The following ZNF568 variants were observed in gnomAD, a reference collection of about 807,000 sequenced individuals.
ZNF568 encodes the protein p53 inhibitor of SCO2 activation.
In ZNF568, 11 loss-of-function variants were observed where a neutral mutation model predicts 18.1. The ratio of observed to expected loss-of-function variants is 0.61; its 90% confidence interval spans 0.38 to 1.00. The LOEUF is 1.00. Among genes scored for constraint, ZNF568 ranks in the 50% least tolerant of loss-of-function variants. ZNF568 has a pLI of 0.01. For synonymous variants in ZNF568, 213 were observed against 246.6 expected (o/e 0.86, Z 1.28); for missense variants, 639 against 768.2 (o/e 0.83, Z 1.99).
downstream of ZNF568, among the ~76,000 whole-genome samples, chr19:36,954,192 T>A (rs573727719): frequency 1.2e-4 from 18 of 152,228 alleles, no homozygotes; most frequent in Middle Eastern, 3.4e-3. Flanking sequence ...GCCAGTGCAC[T>A]TCAGCCTGGG....
chr19:36,991,956 T>C, intron 4 of ZNF568: 1 of 820,420 alleles, frequency 1.2e-6, no homozygotes, highest in Non-Finnish European at 1.8e-6. Context: ...TAAAAAGGCT[T>C]GAGATCTGGG....
chr19:36,991,015 C>T, intron 2 of ZNF568: 2 of 679,116 alleles, frequency 2.9e-6, no homozygotes, highest in Non-Finnish European at 4.7e-6. Context: ...TCACTCTGAT[C>T]ACCCCTGTTT....
chr19:36,991,253 G>T (rs1002855964), exon 3 of ZNF568: 1 of 1,535,904 alleles, frequency 6.5e-7, no homozygotes, highest in Non-Finnish European at 8.7e-7. Flanking sequence ...AGAAGGATTT[G>T]TACCGAGATG....
rs367623311 is a variant in ZNF568, at chr19:36,949,955, C to T, written c.802C>T (p.His268Tyr). Residue 268 changes from histidine to tyrosine, a missense_variant, in exon 7 of 7, where the codon CAT becomes TAT. His to Tyr is a moderately conservative substitution (Grantham distance 83). Coordinates refer to ENST00000333987, the MANE Select transcript of ZNF568 (RefSeq NM_198539.4). ...CAGTAGGAAGGAAAATCTTATTACA[C>T]ATCAGAAAATTCATACTGGGGAAAA... is the stretch of plus-strand genomic sequence containing the variant. ...AFSRKENLIT[H>Y]QKIHTGEKPY... is the part of the protein sequence containing the mutation. 146 of 1,613,706 alleles carry T rather than the reference C, an allele frequency of 9.0e-5. No individual in the cohort carries two copies. The highest frequency in any genetic ancestry group is 1.2e-4 in the Non-Finnish European group (136 of 1,179,950).
chr19:36,944,109 A>G (rs546931195), intron 6 of ZNF568, among the ~76,000 whole-genome samples: 91 of 152,148 alleles, frequency 6.0e-4, no homozygotes, highest in African/African-American at 2.2e-3. Context: ...TTTAAAAAGA[A>G]AAAAATAGGC....
intron 6 of ZNF568, among the ~76,000 whole-genome samples, chr19:36,943,469 A>G (rs1009807113): frequency 2.0e-5 from 3 of 152,168 alleles, no homozygotes; most frequent in Non-Finnish European, 2.9e-5. Flanking sequence ...TAGAATAATG[A>G]TTGGTGTCCT....
intron 2 of ZNF568, chr19:36,991,051 G>T (rs1039651284): frequency 2.0e-6 from 2 of 994,766 alleles, no homozygotes; most frequent in Non-Finnish European, 2.9e-6. Flanking sequence ...CATGTTGAAG[G>T]AGCCAGTATG....
rs2074028413 is a variant in ZNF568, at chr19:36,949,867, TAGA to T, written c.715_717del (p.Arg239del). ...ACTTCAGTCATAAATTTGACCTCAT[TAGA>T]CATGAGCGAATTCATGCTGGAGAGA... is the stretch of plus-strand genomic sequence containing the variant. On this transcript the variant is annotated inframe_deletion, in exon 7 of 7. Transcript: ENST00000333987. 2 of 1,613,884 alleles carry T rather than the reference TAGA, an allele frequency of 1.2e-6. No homozygotes were observed. The highest frequency in any genetic ancestry group is 1.7e-6 in the Non-Finnish European group (2 of 1,179,958).
In ZNF568 at chr19:36,950,800, A is replaced by G. The variant is rs2074047311; in HGVS notation, c.1647A>G (p.Glu549=). The G allele has an allele frequency of 6.2e-7, 1 of 1,613,478 alleles. No homozygotes were observed. The highest frequency in any genetic ancestry group is 8.5e-7 in the Non-Finnish European group (1 of 1,179,956). The change falls in exon 7 of 7, where the codon GAA becomes GAG. Residue 549 remains glutamate (E), a synonymous_variant. Transcript: ENST00000333987. ...FSQRQNLLEH[E]KIHTGEKPFK... Reference sequence around the variant, plus strand: ...AGAGACAAAATCTTCTTGAGCATGAAAAAATTCATACTGGAGAGAAACCAT... The same window carrying G: ...AGAGACAAAATCTTCTTGAGCATGAGAAAATTCATACTGGAGAGAAACCAT...
intron 4 of ZNF568, among the ~76,000 whole-genome samples, chr19:36,995,682 T>A (rs1479415981): frequency 6.6e-6 from 1 of 152,202 alleles, no homozygotes; most frequent in Admixed American, 6.5e-5. Context: ...GTTCCTATAT[T>A]GTTTCGTATA....
intron 2 of ZNF568, among the ~76,000 whole-genome samples, chr19:36,920,667 A>C (rs1600760585): frequency 2.0e-5 from 3 of 152,286 alleles, no homozygotes; most frequent in Admixed American, 2.0e-4. Context: ...AGTTATAGTA[A>C]GCTAAGGCTA....
intron 3 of ZNF568, chr19:36,991,443 A>T: frequency 8.5e-7 from 1 of 1,175,102 alleles, no homozygotes; most frequent in Non-Finnish European, 1.1e-6. Flanking sequence ...TCACCAAAAG[A>T]ATGGTTTGTC....
intron 6 of ZNF568, among the ~76,000 whole-genome samples, chr19:36,968,753 G>A (rs2074214011): frequency 6.7e-6 from 1 of 150,274 alleles, no homozygotes. Context: ...TAGTACTGAA[G>A]TATAATGATT....
intron 1 of ZNF568, among the ~76,000 whole-genome samples, chr19:36,917,208 C>T (rs1600752728): frequency 3.3e-5 from 5 of 152,246 alleles, no homozygotes; most frequent in Admixed American, 3.3e-4. Context: ...TTAAGATCTG[C>T]GCCGCATGTG....
At chr19:36,923,666 A>G (rs1222008503) in intron 3 of ZNF568, among the ~76,000 whole-genome samples, 1 of 151,604 alleles carries the variant, frequency 6.6e-6, no homozygotes, top group Non-Finnish European at 1.5e-5. Flanking sequence ...TCTGTTGCCA[A>G]TGTGAGGGAA....
intron 6 of ZNF568, among the ~76,000 whole-genome samples, chr19:36,945,965 T>G (rs966459503): frequency 4.0e-5 from 6 of 151,848 alleles, no homozygotes; most frequent in South Asian, 2.1e-4. Context: ...CGTGGTGGTG[T>G]GCGCCTGTAG....
At chr19:36,997,906 T>G, downstream of ZNF568, 1 of 324,240 alleles carries the variant, frequency 3.1e-6, no homozygotes, top group Non-Finnish European at 5.7e-6. Flanking sequence ...TCCATGAATG[T>G]AAAGAAAGTA....
chr19:36,922,774 A>C lies in ZNF568; in HGVS notation c.4A>C (p.Thr2Pro). 2 of 1,614,002 alleles carry C rather than the reference A, an allele frequency of 1.2e-6. No individual in the cohort carries two copies. Among genetic ancestry groups the C allele is most frequent in the Non-Finnish European group, 1.7e-6 (2 of 1,179,962 alleles). ...GCCCAGAGCAGGCAGGGTCTGAATG[A>C]CATCTCAATCTTCAGTGATCAGCAA... is the stretch of plus-strand genomic sequence containing the variant. M[T>P]SQSSVISNSC... Residue 2 changes from threonine (T) to proline (P), a missense_variant, in exon 3 of 7, where the codon ACA becomes CCA. Transcript: ENST00000333987.
chr19:36,975,251 G>A (rs577007328), intron 7 of ZNF568, among the ~76,000 whole-genome samples: 12 of 150,758 alleles, frequency 8.0e-5, no homozygotes, highest in African/African-American at 2.7e-4. Context: ...AGGTTCAAGC[G>A]ATTCTACTGC....
Sources: gnomAD v4.1 joint callset for allele counts (sites outside exome capture counted in the v4.1 genomes callset) on GRCh38, gnomAD v4.1.1 for gene constraint, MANE v1.5 for transcripts, NCBI Gene and HGNC (gene_info 2026-07-23, HGNC 2026-07-21) for gene names.